CSGALNACT1: variants seen among roughly 807,000 people sequenced by gnomAD.
The protein encoded by CSGALNACT1 is chondroitin sulfate N-acetylgalactosaminyltransferase 1.
Under a neutral mutation model 51.0 loss-of-function variants are expected in CSGALNACT1, and 52 were observed. That is an observed-to-expected ratio of 1.02 (90% confidence interval 0.82 to 1.29). The LOEUF (loss-of-function observed/expected upper bound fraction) is 1.29, where lower values mean the gene tolerates loss of function less well. Among genes scored for constraint, CSGALNACT1 ranks in the 50% most tolerant of loss-of-function variants. The pLI, the probability that CSGALNACT1 is intolerant of heterozygous loss-of-function variation, is 0.00. For missense variants in CSGALNACT1, 935 were observed against 679.2 expected (o/e 1.38, Z -4.19); for synonymous variants, 341 against 254.4 (o/e 1.34, Z -3.24).
At chr8:19,666,784 A>AAAG (rs1564382745) in intron 1 of CSGALNACT1, among the ~76,000 whole-genome samples, 2 of 15,824 alleles carry the variant, frequency 1.3e-4, no homozygotes, top group East Asian at 1.9e-3. Flanking sequence ...AGAAAGAAAG[A>AAAG]AAGAAAGAAA....
intron 5 of CSGALNACT1, among the ~76,000 whole-genome samples, chr8:19,445,015 T>C (rs1478447602): frequency 6.6e-6 from 1 of 152,184 alleles, no homozygotes; most frequent in East Asian, 1.9e-4. Context: ...TCTGTCTCTT[T>C]CTGGTGGAAG....
chr8:19,426,165 C>T (rs1337065685), intron 6 of CSGALNACT1, among the ~76,000 whole-genome samples: 1 of 152,182 alleles, frequency 6.6e-6, no homozygotes. Flanking sequence ...AAGAGCTGAA[C>T]AAATGGAAAA....
At chr8:19,568,681 T>C (rs1305558585) in intron 3 of CSGALNACT1, among the ~76,000 whole-genome samples, 1 of 152,174 alleles carries the variant, frequency 6.6e-6, no homozygotes, top group Non-Finnish European at 1.5e-5. Flanking sequence ...AAATATGAGA[T>C]TCTATTCAGT....
At chr8:19,603,012 A>G (rs1340474655), upstream of CSGALNACT1, among the ~76,000 whole-genome samples, 1 of 149,890 alleles carries the variant, frequency 6.7e-6, no homozygotes, top group Non-Finnish European at 1.5e-5. Flanking sequence ...ATATATTCAT[A>G]TATACAAACA....
intron 3 of CSGALNACT1, among the ~76,000 whole-genome samples, chr8:19,506,414 T>C (rs989233587): frequency 6.6e-6 from 1 of 152,240 alleles, no homozygotes; most frequent in African/African-American, 2.4e-5. Context: ...TTTCTACTTC[T>C]ATTTTTCTGT....
In CSGALNACT1 at chr8:19,675,854, C is replaced by G. The variant is rs771511112; in HGVS notation, c.-544+6619G>C. Among the ~76,000 whole-genome samples the G allele has an allele frequency of 8.7e-4, 133 of 152,076 alleles. 2 individuals are homozygous for G. Among genetic ancestry groups the G allele is most frequent in the Non-Finnish European group, 1.6e-3 (110 of 67,998 alleles). ...GTCTCAGGTTCATCCAAGTCACATG[C>G]GGGCAGGACACACTCAAAGCGATAT... On this transcript the variant is annotated intron_variant, in intron 1 of 9. Transcript: ENST00000332246.
chr8:19,544,956 A>G (rs2086116332), intron 3 of CSGALNACT1, among the ~76,000 whole-genome samples: 1 of 152,116 alleles, frequency 6.6e-6, no homozygotes. Flanking sequence ...GTTTTCAAAG[A>G]AAAAATGGGA....
At chr8:19,441,309 C>T (rs1022992324) in intron 5 of CSGALNACT1, among the ~76,000 whole-genome samples, 1 of 152,204 alleles carries the variant, frequency 6.6e-6, no homozygotes, top group African/African-American at 2.4e-5. Context: ...CACTACCTGA[C>T]TTCAAACTAT....
At chr8:19,682,096 T>C (rs1198113598) in intron 1 of CSGALNACT1, among the ~76,000 whole-genome samples, 1 of 152,186 alleles carries the variant, frequency 6.6e-6, no homozygotes, top group African/African-American at 2.4e-5. Flanking sequence ...AATTCTACAT[T>C]GGAGCCTGGC....
intron 3 of CSGALNACT1, among the ~76,000 whole-genome samples, chr8:19,576,962 C>A (rs533036993): frequency 6.6e-6 from 1 of 152,180 alleles, no homozygotes; most frequent in South Asian, 2.1e-4. Flanking sequence ...GCTTACCCCC[C>A]TCTTAGACAC....
In CSGALNACT1 at chr8:19,518,443, A is replaced by G. The variant is rs776475215; in HGVS notation, c.-296-12313T>C. Among the ~76,000 whole-genome samples, 3 of 152,238 alleles carry G rather than the reference A, an allele frequency of 2.0e-5. No individual in the cohort carries two copies. In the East Asian group the frequency reaches 5.8e-4, roughly 29 times the overall value. On this transcript the variant is annotated intron_variant, in intron 3 of 9. Coordinates refer to ENST00000454498, the Ensembl canonical transcript of CSGALNACT1. ...ACTGGAAAGCTATTTGCATAATAAT[A>G]TTAGGGTGGGGTGACCAACCTTCCC... is the stretch of plus-strand genomic sequence containing the variant.
chr8:19,422,955 G>A (rs751355233), intron 6 of CSGALNACT1, among the ~76,000 whole-genome samples: 5 of 152,078 alleles, frequency 3.3e-5, no homozygotes, highest in African/African-American at 4.8e-5. Flanking sequence ...GCTGTTTCCA[G>A]GTTCCTATCT....
intron 3 of CSGALNACT1, among the ~76,000 whole-genome samples, chr8:19,542,258 C>G (rs1324329289): frequency 6.7e-6 from 1 of 148,296 alleles, no homozygotes; most frequent in Non-Finnish European, 1.5e-5. Flanking sequence ...TCACTGAAGC[C>G]TGTTAGTTAA....
In CSGALNACT1 at chr8:19,577,401, C is replaced by CAAAAAAAAAAAAAAAAAAAA. The variant is rs111734132; in HGVS notation, c.-297+13758_-297+13759insTTTTTTTTTTTTTTTTTTTT. Among the ~76,000 whole-genome samples, 218 of 104,158 alleles carry CAAAAAAAAAAAAAAAAAAAA rather than the reference C, an allele frequency of 2.1e-3. 7 individuals are homozygous for CAAAAAAAAAAAAAAAAAAAA. Among genetic ancestry groups the CAAAAAAAAAAAAAAAAAAAA allele is most frequent in the African/African-American group, 8.9e-3 (205 of 23,070 alleles). 68.3% of individuals were successfully genotyped at this position (104,158 alleles called of 152,430 possible). A position where few individuals can be genotyped will look rare whatever the true frequency, so the allele number is the denominator to read the frequency against. ...ACAACGAAGCCCGACCCCACCTCTA[C>CAAAAAAAAAAAAAAAAAAAA]AAAAAAAAAAAAAGCCTAGTATGGT... On this transcript the variant is annotated intron_variant, in intron 3 of 9. Coordinates refer to ENST00000454498, the Ensembl canonical transcript of CSGALNACT1.
chr8:19,406,204 G>T (rs973273451), intron 9 of CSGALNACT1, 135 bp from the exon 9 acceptor site: 2 of 1,030,322 alleles, frequency 1.9e-6, no homozygotes, highest in Non-Finnish European at 3.0e-6. Context: ...TCCAAGGTAC[G>T]AGAGTGTCCA....
intron 4 of CSGALNACT1, among the ~76,000 whole-genome samples, chr8:19,477,662 G>T (rs1195053283): frequency 6.6e-6 from 1 of 152,186 alleles, no homozygotes; most frequent in East Asian, 1.9e-4. Flanking sequence ...CTAGAGCCGG[G>T]TGTGAGCCCC....
At chr8:19,724,427 G>A (rs1271297066) in intron 1 of CSGALNACT1, among the ~76,000 whole-genome samples, 1 of 152,190 alleles carries the variant, frequency 6.6e-6, no homozygotes, top group Non-Finnish European at 1.5e-5. Context: ...ATGGCTGGCT[G>A]AGTTTTTCTC....
At chr8:19,601,277 T>G (rs574323770) in intron 2 of CSGALNACT1, among the ~76,000 whole-genome samples, 53 of 152,334 alleles carry the variant, frequency 3.5e-4, no homozygotes, top group African/African-American at 1.2e-3. Flanking sequence ...AGACACCATA[T>G]GTCAGAAAGA....
Position 19,571,606 on chromosome 8 carries a change from G to A in CSGALNACT1, c.-297+19554C>T, listed in dbSNP as rs966108787. Among the ~76,000 whole-genome samples the A allele has an allele frequency of 5.9e-5, 9 of 152,180 alleles. No homozygotes were observed. In the South Asian group the frequency reaches 6.2e-4, roughly 10 times the overall value. On this transcript the variant is annotated intron_variant, in intron 3 of 9. Coordinates refer to ENST00000454498, the Ensembl canonical transcript of CSGALNACT1. ...TTAAGTTAATGGCTAAAGCAGAAAG[G>A]GGTTTTTGAAAGTAACTCTGGATGA...
Sources: allele counts gnomAD v4.1 joint callset (sites outside exome capture counted in the v4.1 genomes callset), GRCh38; gene constraint gnomAD v4.1.1; transcripts MANE v1.5; gene names NCBI Gene and HGNC (gene_info 2026-07-23, HGNC 2026-07-21).